The following PTPRD variants were observed in gnomAD, a reference collection of about 807,000 sequenced individuals.
The protein encoded by PTPRD is protein tyrosine phosphatase receptor type D.
PTPRD carries 34 observed loss-of-function variants against 214.5 expected under a neutral mutation model. That is an observed-to-expected ratio of 0.16 (90% CI 0.12 to 0.21). The LOEUF is 0.21. PTPRD is among the 10% of genes least tolerant of loss of function. The pLI is 1.00. For synonymous variants in PTPRD, 1,128 were observed against 845.7 expected (o/e 1.33, Z -5.79); for missense variants, 2,545 against 2,398.7 (o/e 1.06, Z -1.27).
At chr9:9,402,044 G>C (rs1333110) in intron 8 of PTPRD, among the ~76,000 whole-genome samples, 3 of 152,012 alleles carry the variant, frequency 2.0e-5, no homozygotes, top group Non-Finnish European at 2.9e-5. Context: ...TGAGTTCTTC[G>C]TGTTTATTAC....
intron 7 of PTPRD, among the ~76,000 whole-genome samples, chr9:9,719,971 G>C (rs577252854): frequency 6.6e-6 from 1 of 152,154 alleles, no homozygotes; most frequent in African/African-American, 2.4e-5. Context: ...CCCCACGCTT[G>C]ATTGTTTACA....
chr9:10,140,318 A>T (rs1328760319), intron 3 of PTPRD, among the ~76,000 whole-genome samples: 1 of 143,850 alleles, frequency 7.0e-6, no homozygotes, highest in South Asian at 2.5e-4. Context: ...AGCAGAAAAC[A>T]ATCATTAATA....
intron 15 of PTPRD, 47 bp from the exon 16 acceptor site, chr9:8,527,400 T>C (rs1245066644): frequency 6.4e-7 from 1 of 1,554,436 alleles, no homozygotes; most frequent in African/African-American, 1.4e-5. Context: ...AAAAATATTA[T>C]TATATTCCTT....
chr9:8,711,767 T>C (rs1351962648), intron 12 of PTPRD, among the ~76,000 whole-genome samples: 2 of 152,202 alleles, frequency 1.3e-5, no homozygotes, highest in Non-Finnish European at 2.9e-5. Context: ...ATAAAACGTA[T>C]TTCTCCCAGC....
intron 21 of PTPRD, among the ~76,000 whole-genome samples, chr9:8,515,926 G>T (rs1325665674): frequency 1.3e-5 from 2 of 152,088 alleles, no homozygotes; most frequent in African/African-American, 4.8e-5. Flanking sequence ...CTAGAAAACT[G>T]AAGTTCAGAG....
intron 21 of PTPRD, among the ~76,000 whole-genome samples, chr9:8,516,798 CTT>C (rs71500960): frequency 0.054 from 5,748 of 106,112 alleles, 45 homozygotes; most frequent in East Asian, 0.17. Context: ...CAAGAATAAA[CTT>C]TTTTTTTTTT....
intron 11 of PTPRD, among the ~76,000 whole-genome samples, chr9:8,766,384 G>A (rs943950514): frequency 6.6e-6 from 1 of 152,006 alleles, no homozygotes; most frequent in African/African-American, 2.4e-5. Flanking sequence ...CCCTGAGATG[G>A]GACGGCATAT....
At position 10,253,309 on chromosome 9, in the gene PTPRD, G is replaced by C. The variant is rs532798951; in HGVS notation, c.-545+87654C>G. 2.0e-5 allele frequency among the ~76,000 whole-genome samples: 3 copies of C among 152,284 alleles called. No individual in the cohort carries two copies. In the East Asian group the frequency reaches 5.8e-4, roughly 29 times the overall value. ...CCTTCTTCCTAAGGCCAAGAGAAGA[G>C]TATTTCCATCAGTAATTGCCATAGT... On this transcript the variant is annotated intron_variant, in intron 3 of 45. Transcript: ENST00000381196.
intron 17 of PTPRD, among the ~76,000 whole-genome samples, 198 bp downstream of exon 17, chr9:8,526,429 C>G (rs1483860282): frequency 6.9e-6 from 1 of 145,286 alleles, no homozygotes; most frequent in Non-Finnish European, 1.5e-5. Flanking sequence ...AAGAAATGAA[C>G]AAAACAAAGA....
intron 9 of PTPRD, among the ~76,000 whole-genome samples, chr9:9,363,165 A>G (rs1402017661): frequency 1.4e-5 from 2 of 146,838 alleles, no homozygotes; most frequent in Admixed American, 6.8e-5. Context: ...ACTGGATATG[A>G]CATATCTTTT....
chr9:8,326,949 T>TTCTA (rs1275910682), intron 44 of PTPRD, among the ~76,000 whole-genome samples: 5 of 146,852 alleles, frequency 3.4e-5, no homozygotes, highest in African/African-American at 9.8e-5. Flanking sequence ...CTTCTGTCTT[T>TTCTA]TCTATCTATT....
intron 2 of PTPRD, among the ~76,000 whole-genome samples, chr9:10,366,313 TATACAGA>T (rs1305827246): frequency 1.3e-5 from 2 of 152,184 alleles, no homozygotes; most frequent in African/African-American, 4.8e-5. Context: ...AACTGCTATG[TATACAGA>T]ATACGGAAGG....
chr9:9,419,882 C>T (rs954217333), intron 8 of PTPRD, among the ~76,000 whole-genome samples: 2 of 151,580 alleles, frequency 1.3e-5, no homozygotes, highest in Non-Finnish European at 3.0e-5. Flanking sequence ...ATATATAAAG[C>T]ATTTTGCTTT....
chr9:9,775,058 C>A (rs1238613419), intron 5 of PTPRD, among the ~76,000 whole-genome samples: 7 of 152,170 alleles, frequency 4.6e-5, no homozygotes, highest in African/African-American at 1.7e-4. Context: ...CTCATTATTT[C>A]TGAGAGCTAA....
At chr9:9,361,581 T>C (rs1454183733) in intron 9 of PTPRD, among the ~76,000 whole-genome samples, 1 of 151,080 alleles carries the variant, frequency 6.6e-6, no homozygotes, top group Non-Finnish European at 1.5e-5. Context: ...TGATAATTTA[T>C]AAAGATCAAA....
chr9:8,341,651 A>G (rs1350464365), intron 40 of PTPRD, 42 bp downstream of exon 40: 5 of 1,597,310 alleles, frequency 3.1e-6, no homozygotes, highest in Admixed American at 1.7e-5. Context: ...CAAACCCAGA[A>G]TGACTTGCTC....
At chr9:9,250,122 T>C (rs1431955770) in intron 9 of PTPRD, among the ~76,000 whole-genome samples, 2 of 152,082 alleles carry the variant, frequency 1.3e-5, no homozygotes, top group Admixed American at 6.6e-5. Flanking sequence ...CCATGAACAG[T>C]CGCATACATA....
In PTPRD at chr9:9,328,618, C is replaced by CTTTTTTTTT. The variant is rs869076374; in HGVS notation, c.-203+68822_-203+68830dup. Among the ~76,000 whole-genome samples the CTTTTTTTTT allele has an allele frequency of 7.1e-4, 20 of 28,230 alleles. 5 individuals are homozygous for CTTTTTTTTT. Among genetic ancestry groups the CTTTTTTTTT allele is most frequent in the Non-Finnish European group, 9.1e-4 (14 of 15,454 alleles). The allele number at this position is 28,230 out of a possible 152,430, so 18.5% of individuals were successfully genotyped here. A position where few individuals can be genotyped will look rare whatever the true frequency, so the allele number is the denominator to read the frequency against. ...ACATTTTCTTTTGTTGTTGTTCTTG[C>CTTTTTTTTT]TTTTTTTTTTTTTTTTTTTTTTTTT... On this transcript the variant is annotated intron_variant, in intron 9 of 45. Coordinates refer to ENST00000381196, the MANE Select transcript of PTPRD (RefSeq NM_002839.4).
At chr9:9,967,219 T>C (rs1045892666) in intron 4 of PTPRD, among the ~76,000 whole-genome samples, 1 of 152,162 alleles carries the variant, frequency 6.6e-6, no homozygotes, top group South Asian at 2.1e-4. Context: ...ATTGTAGATA[T>C]AAAAATAGTG....
Sources: allele counts gnomAD v4.1 joint callset (sites outside exome capture counted in the v4.1 genomes callset), GRCh38; gene constraint gnomAD v4.1.1; transcripts MANE v1.5; gene names NCBI Gene and HGNC (gene_info 2026-07-23, HGNC 2026-07-21).